Variants in COL4A2 observed in about 807,000 individuals in gnomAD.
The protein encoded by COL4A2 is collagen type IV alpha 2 chain.
Under a neutral mutation model 200.2 loss-of-function variants are expected in COL4A2, and 99 were observed. That is an observed-to-expected ratio of 0.49 (90% CI 0.42 to 0.58). COL4A2 has a LOEUF of 0.58. Among genes scored for constraint, COL4A2 ranks in the 20% least tolerant of loss-of-function variants. The probability of loss-of-function intolerance (pLI) is 0.00; values close to 1 mark genes in which losing one functional copy is unlikely to be tolerated. For synonymous variants in COL4A2, 897 were observed against 900.6 expected (o/e 1.00, Z 0.07); for missense variants, 1,950 against 2,314.1 (o/e 0.84, Z 3.23).
rs769805049 is a variant in COL4A2, at chr13:110,446,874, C to T, written c.1078+10C>T. 6.2e-7 allele frequency: 1 copy of T among 1,609,904 alleles called. No homozygotes were observed. The highest frequency in any genetic ancestry group is 1.7e-5 in the Admixed American group (1 of 59,968). ...CCTTCCCTAGCAAAAGGTGTGTGAA[C>T]AATTTCACCTGCATAGTTCAGCATC... On this transcript the variant is annotated intron_variant, in intron 18 of 47. Coordinates refer to ENST00000360467, the MANE Select transcript of COL4A2 (RefSeq NM_001846.4).
At chr13:110,330,963 A>C (rs1451865140) in intron 3 of COL4A2, among the ~76,000 whole-genome samples, 2 of 151,818 alleles carry the variant, frequency 1.3e-5, no homozygotes, top group Non-Finnish European at 2.9e-5. Context: ...CATCTACCCG[A>C]TCTCGCCGTG....
At chr13:110,495,538 A>G in intron 40 of COL4A2, 71 bp downstream of exon 40, 1 of 1,561,574 alleles carries the variant, frequency 6.4e-7, no homozygotes, top group Non-Finnish European at 8.6e-7. Flanking sequence ...GGGGCCATGG[A>G]GTGTCTATGG....
intron 33 of COL4A2, 41 bp downstream of exon 33, chr13:110,485,068 C>T (rs931183275): frequency 2.3e-5 from 34 of 1,502,004 alleles, no homozygotes; most frequent in Non-Finnish European, 2.8e-5. Context: ...CTAGTCCCTG[C>T]CGCCCCAGCC....
chr13:110,434,786 T>C (rs1192343160), intron 12 of COL4A2, among the ~76,000 whole-genome samples: 1 of 152,192 alleles, frequency 6.6e-6, no homozygotes, highest in African/African-American at 2.4e-5. Context: ...GGACTGAGAC[T>C]ACAGCCAGAG....
chr13:110,412,649 C>G (rs1176018470), intron 4 of COL4A2, among the ~76,000 whole-genome samples: 1 of 152,228 alleles, frequency 6.6e-6, no homozygotes, highest in Non-Finnish European at 1.5e-5. Context: ...CCTTTACGCC[C>G]CTGAGTCACA....
At position 110,504,003 on chromosome 13, in the gene COL4A2, T is replaced by G. The variant is rs1389070957; in HGVS notation, c.4285+10T>G. ...CCCCCCGGAGAACCAGGTAGAGTGC[T>G]GAGCTGGGGCCTGGAGCCCCTCGGG... On this transcript the variant is annotated intron_variant, in intron 44 of 47. Transcript: ENST00000360467. 1.3e-6 allele frequency: 2 copies of G among 1,555,130 alleles called. No homozygotes were observed. The highest frequency in any genetic ancestry group is 1.4e-5 in the African/African-American group (1 of 72,478).
chr13:110,359,805 T>G (rs1201634350), intron 4 of COL4A2, among the ~76,000 whole-genome samples: 2 of 152,218 alleles, frequency 1.3e-5, no homozygotes, highest in African/African-American at 4.8e-5. Context: ...GATCATTATT[T>G]CACTGTCAAA....
At chr13:110,410,809 G>A (rs1879801164) in intron 4 of COL4A2, among the ~76,000 whole-genome samples, 1 of 152,222 alleles carries the variant, frequency 6.6e-6, no homozygotes, top group East Asian at 1.9e-4. Context: ...TCAGGGAAGG[G>A]CAGTGACTTG....
chr13:110,481,017 CTT>C (rs1254202319), intron 31 of COL4A2, among the ~76,000 whole-genome samples: 4 of 116,816 alleles, frequency 3.4e-5, no homozygotes, highest in African/African-American at 1.0e-4. Context: ...CTGTTCTGTC[CTT>C]CCGTTGCTGG....
intron 3 of COL4A2, among the ~76,000 whole-genome samples, chr13:110,344,143 A>G (rs1876595713): frequency 6.6e-6 from 1 of 152,236 alleles, no homozygotes; most frequent in Admixed American, 6.5e-5. Flanking sequence ...AAGGGTATTT[A>G]TTCTAAATGT....
At chr13:110,317,850 G>A (rs1197379649) in intron 3 of COL4A2, among the ~76,000 whole-genome samples, 1 of 152,192 alleles carries the variant, frequency 6.6e-6, no homozygotes, top group African/African-American at 2.4e-5. Flanking sequence ...TTACTGAAAC[G>A]CTATGGGCAA....
intron 4 of COL4A2, among the ~76,000 whole-genome samples, chr13:110,398,017 C>T (rs1460976565): frequency 1.3e-5 from 2 of 150,106 alleles, no homozygotes; most frequent in Admixed American, 6.6e-5. Context: ...AGCGAAAGAT[C>T]AACTCTCCAC....
chr13:110,423,967 G>T (rs2139452789), intron 4 of COL4A2, among the ~76,000 whole-genome samples: 1 of 152,248 alleles, frequency 6.6e-6, no homozygotes, highest in South Asian at 2.1e-4. Context: ...CACTTGAGTG[G>T]TTTCCACCTT....
chr13:110,458,668 G>A (rs1386640950), intron 21 of COL4A2, 103 bp from the exon 22 acceptor site: 2 of 1,408,614 alleles, frequency 1.4e-6, no homozygotes, highest in Non-Finnish European at 2.0e-6. Context: ...TGTCCATAAA[G>A]CACCAAGTGT....
At chr13:110,309,005 G>A (rs7991223) in intron 3 of COL4A2, among the ~76,000 whole-genome samples, 7,139 of 152,264 alleles carry the variant, frequency 0.047, 198 homozygotes, top group Middle Eastern at 0.075. Flanking sequence ...CCTGCCCTGT[G>A]GCAGCCGGGG....
chr13:110,455,288 C>T (rs574179095), intron 20 of COL4A2, among the ~76,000 whole-genome samples: 39 of 152,268 alleles, frequency 2.6e-4, no homozygotes, highest in Middle Eastern at 6.8e-3. Context: ...CACCACTCTG[C>T]GGGCGCTGGC....
At chr13:110,436,448 A>G (rs959992655) in intron 13 of COL4A2, 81 bp downstream of exon 13, 2 of 1,507,454 alleles carry the variant, frequency 1.3e-6, no homozygotes, top group African/African-American at 2.8e-5. Context: ...GTATTCAACC[A>G]CATTCCAAGT....
intron 39 of COL4A2, 55 bp downstream of exon 39, chr13:110,493,337 C>G: frequency 8.2e-6 from 13 of 1,575,770 alleles, no homozygotes; most frequent in Non-Finnish European, 1.1e-5. Flanking sequence ...AGGGTGGGGA[C>G]TCTGTGCTGA....
intron 30 of COL4A2, among the ~76,000 whole-genome samples, chr13:110,478,723 C>T (rs568374130): frequency 6.6e-6 from 1 of 152,378 alleles, no homozygotes; most frequent in Admixed American, 6.5e-5. Context: ...CTTCACGGTC[C>T]AGGGAAACTG....
Sources: gnomAD v4.1 joint callset for allele counts (sites outside exome capture counted in the v4.1 genomes callset) on GRCh38, gnomAD v4.1.1 for gene constraint, MANE v1.5 for transcripts, NCBI Gene and HGNC (gene_info 2026-07-23, HGNC 2026-07-21) for gene names.